CAST: variants seen among roughly 807,000 people sequenced by gnomAD.
CAST encodes MIR583 host.
CAST carries 76 observed loss-of-function variants against 119.6 expected under a neutral mutation model. The ratio of observed to expected loss-of-function variants is 0.64; its 90% CI spans 0.53 to 0.77. CAST has a LOEUF of 0.77. Among genes scored for constraint, CAST ranks in the 30% least tolerant of loss-of-function variants. CAST has a pLI of 0.00. For synonymous variants in CAST, 319 were observed against 331.6 expected, an observed-to-expected ratio of 0.96 and a Z score of 0.41; for missense variants, 953 against 946.5, an observed-to-expected ratio of 1.01 and a Z score of -0.09.
At chr5:96,585,290 T>C (rs1580835355) in intron 1 of CAST, among the ~76,000 whole-genome samples, 2 of 152,200 alleles carry the variant, frequency 1.3e-5, no homozygotes, top group African/African-American at 4.8e-5. Flanking sequence ...CATGTCTTAG[T>C]TGGCTTATTC....
intron 1 of CAST, among the ~76,000 whole-genome samples, chr5:96,634,007 A>C (rs1473498134): frequency 2.6e-5 from 4 of 152,196 alleles, no homozygotes; most frequent in Admixed American, 2.6e-4. Flanking sequence ...AATGGAGAGA[A>C]GTGATTTTTT....
chr5:96,229,536 C>T, the CAST span, among the ~76,000 whole-genome samples: 1 of 151,972 alleles, frequency 6.6e-6, no homozygotes, highest in Non-Finnish European at 1.5e-5. Context: ...CTTCCTGAGC[C>T]CGATAGCCAC....
At chr5:96,452,278 T>C in the CAST span, among the ~76,000 whole-genome samples, 1 of 152,138 alleles carries the variant, frequency 6.6e-6, no homozygotes, top group Non-Finnish European at 1.5e-5. Flanking sequence ...AAAGAAAATG[T>C]GGCACATATA....
chr5:96,445,220 C>A, the CAST span, among the ~76,000 whole-genome samples: 1 of 152,060 alleles, frequency 6.6e-6, no homozygotes, highest in African/African-American at 2.4e-5. Context: ...TGCTGGGTGA[C>A]AAAGGGATGG....
At chr5:96,521,404 T>C (rs1745516787), upstream of CAST, among the ~76,000 whole-genome samples, 1 of 152,160 alleles carries the variant, frequency 6.6e-6, no homozygotes, top group South Asian at 2.1e-4. Flanking sequence ...CACACCAAAC[T>C]CTTTCTCACG....
At chr5:96,716,711 C>G (rs1166493834) in intron 3 of CAST, among the ~76,000 whole-genome samples, 1 of 152,122 alleles carries the variant, frequency 6.6e-6, no homozygotes, top group East Asian at 1.9e-4. Flanking sequence ...ATTTGTTTTT[C>G]TCTTGTACAT....
At chr5:96,589,049 T>C (rs1227424669) in intron 1 of CAST, among the ~76,000 whole-genome samples, 1 of 152,224 alleles carries the variant, frequency 6.6e-6, no homozygotes, top group Non-Finnish European at 1.5e-5. Context: ...GATTTTCTTT[T>C]TCAGCTTTTC....
At chr5:96,375,528 A>C in the CAST span, among the ~76,000 whole-genome samples, 2 of 152,042 alleles carry the variant, frequency 1.3e-5, no homozygotes, top group Non-Finnish European at 2.9e-5. Flanking sequence ...AAAACACAAA[A>C]CCAAAGGAAA....
intron 3 of CAST, among the ~76,000 whole-genome samples, chr5:96,702,170 C>T (rs1034293846): frequency 1.3e-5 from 2 of 152,144 alleles, no homozygotes; most frequent in African/African-American, 4.8e-5. Context: ...TGGTGTACGG[C>T]TTTTCATTTA....
chr5:96,535,637 G>T (rs374842669), intron 1 of CAST, among the ~76,000 whole-genome samples: 16 of 137,246 alleles, frequency 1.2e-4, no homozygotes, highest in South Asian at 2.3e-4. Context: ...GCAGTGGCGC[G>T]ATCTCGGCTC....
chr5:96,269,114 C>A, the CAST span, among the ~76,000 whole-genome samples: 1 of 152,122 alleles, frequency 6.6e-6, no homozygotes, highest in Non-Finnish European at 1.5e-5. Context: ...CTCTTTCTCT[C>A]TCTTTTTTAA....
At chr5:96,675,404 A>AT in intron 1 of CAST, 135 bp from the exon 2 acceptor site, 3 of 629,918 alleles carry the variant, frequency 4.8e-6, no homozygotes, top group Non-Finnish European at 8.4e-6. Flanking sequence ...GTTGGTGTGA[A>AT]TTACCAGCAT....
chr5:96,166,212 T>C, the CAST span, among the ~76,000 whole-genome samples: 1 of 152,340 alleles, frequency 6.6e-6, no homozygotes, highest in African/African-American at 2.4e-5. Flanking sequence ...ACAGTAAATG[T>C]AGTAAAATAA....
the CAST span, among the ~76,000 whole-genome samples, chr5:96,195,764 CA>C: frequency 6.6e-6 from 1 of 152,118 alleles, no homozygotes; most frequent in South Asian, 2.1e-4. Context: ...AATTGCCAAA[CA>C]GATAACATGT....
chr5:96,540,783 T>C (rs1279244051), intron 1 of CAST, among the ~76,000 whole-genome samples: 1 of 152,206 alleles, frequency 6.6e-6, no homozygotes, highest in East Asian at 1.9e-4. Context: ...ATGAGGAGTA[T>C]TGGTCAGCTA....
At chr5:96,720,958 G>A (rs1000372563) in intron 3 of CAST, among the ~76,000 whole-genome samples, 9 of 152,060 alleles carry the variant, frequency 5.9e-5, no homozygotes, top group African/African-American at 2.2e-4. Context: ...GAGTTTGAAT[G>A]GAAATCTGTA....
chr5:96,470,820 A>G, the CAST span, among the ~76,000 whole-genome samples: 3 of 152,104 alleles, frequency 2.0e-5, no homozygotes, highest in African/African-American at 7.2e-5. Context: ...TTACCTTAAG[A>G]GTCACTGGTG....
chr5:96,331,066 T>A, the CAST span, among the ~76,000 whole-genome samples: 1 of 152,132 alleles, frequency 6.6e-6, no homozygotes, highest in Admixed American at 6.5e-5. Context: ...GCAAATCAGA[T>A]AAAAATTATG....
chr5:96,182,773 C>A, the CAST span, among the ~76,000 whole-genome samples: 1 of 152,178 alleles, frequency 6.6e-6, no homozygotes, highest in African/African-American at 2.4e-5. Context: ...TCTTCCATTT[C>A]TAATTTTTTT....
Sources: allele counts gnomAD v4.1 joint callset (sites outside exome capture counted in the v4.1 genomes callset), GRCh38; gene constraint gnomAD v4.1.1; transcripts MANE v1.5; gene names NCBI Gene and HGNC (gene_info 2026-07-23, HGNC 2026-07-21).